Variants in PCDHGA3 observed in about 807,000 individuals in gnomAD.
PCDHGA3 encodes protocadherin gamma subfamily A, 3.
PCDHGA3 carries 40 observed loss-of-function variants against 58.5 expected under a neutral mutation model. The observed-to-expected ratio is 0.68, with a 90% CI of 0.53 to 0.89. The LOEUF (loss-of-function observed/expected upper bound fraction) is 0.89. Ranked by LOEUF, PCDHGA3 falls within the 40% of genes least tolerant of loss-of-function variation. PCDHGA3 has a pLI of 0.00. For synonymous variants in PCDHGA3, 530 were observed against 525.7 expected, an observed-to-expected ratio of 1.01 and a Z score of -0.11; for missense variants, 1,223 against 1,195.9, an observed-to-expected ratio of 1.02 and a Z score of -0.33.
intron 1 of PCDHGA3, among the ~76,000 whole-genome samples, chr5:141,467,441 T>C (rs919148544): frequency 6.6e-6 from 1 of 152,340 alleles, no homozygotes; most frequent in African/African-American, 2.4e-5. Context: ...CATTCATTAC[T>C]TTTTTCTTCC....
At chr5:141,361,203 A>G (rs1192913836) in intron 1 of PCDHGA3, 4 of 1,613,850 alleles carry the variant, frequency 2.5e-6, no homozygotes, top group Non-Finnish European at 3.4e-6. Flanking sequence ...CTACTCCCCT[A>G]CCGGAGGATT....
rs768648952 is a variant in PCDHGA3 at position 141,477,230 on chromosome 5, G to C, written c.2425-17577G>C. 6.2e-7 allele frequency: 1 copy of C among 1,614,046 alleles called. No homozygotes were observed. Among genetic ancestry groups the C allele is most frequent in the East Asian group, 2.2e-5 (1 of 44,890 alleles). ...GGATGCCCCTCTGGGGACTGTCATC[G>C]CTTTGCTCAGTGTGACTGACCTGGA... On this transcript the variant is annotated intron_variant, in intron 1 of 3. Transcript: ENST00000253812. The surrounding 1 kb of genome is among the most constrained non-coding windows in gnomAD (Gnocchi z 4.9).
At chr5:141,478,891 A>G (rs1045274228) in intron 1 of PCDHGA3, 10 of 1,122,064 alleles carry the variant, frequency 8.9e-6, no homozygotes, top group Admixed American at 3.1e-5. Context: ...TATCATTTAC[A>G]TTAGGAATAA....
intron 1 of PCDHGA3, chr5:141,404,403 A>C (rs767148207): frequency 6.2e-7 from 1 of 1,613,896 alleles, no homozygotes; most frequent in Admixed American, 1.7e-5. Context: ...AGCAATGAGA[A>C]TTCTAGAGTT....
intron 1 of PCDHGA3, chr5:141,430,905 C>T: frequency 6.2e-7 from 1 of 1,606,922 alleles, no homozygotes; most frequent in Non-Finnish European, 8.5e-7. Context: ...GGCGACATCT[C>T]CAGGGACCTG....
chr5:141,433,406 T>TC (rs397794347), intron 1 of PCDHGA3, among the ~76,000 whole-genome samples: 446 of 150,100 alleles, frequency 3.0e-3, no homozygotes, highest in African/African-American at 0.01. Context: ...TATCTATCTA[T>TC]TACTTTCTTG....
chr5:141,487,452 T>A lies in PCDHGA3; in HGVS notation c.2425-7355T>A, dbSNP rs778695562. 40 of 1,614,046 alleles carry A rather than the reference T, an allele frequency of 2.5e-5. No homozygotes were observed. The highest frequency in any genetic ancestry group is 3.4e-5 in the Non-Finnish European group (40 of 1,180,004). On this transcript the variant is annotated intron_variant, in intron 1 of 3. Coordinates refer to ENST00000253812, the MANE Select transcript of PCDHGA3 (RefSeq NM_018916.4). This position sits in a 1 kb window ranked among gnomAD's most constrained non-coding sequence, Gnocchi z 5.0. ...ATCCAGCTAGGGTCAGATGACCCTA[T>A]CAAGTTTGTTGATGTGGGAGGCCAC... is the stretch of plus-strand genomic sequence containing the variant.
rs1594492695 is a variant in PCDHGA3 at position 141,485,536 on chromosome 5, A to G, written c.2425-9271A>G. On this transcript the variant is annotated intron_variant, in intron 1 of 3. Transcript: ENST00000253812. The surrounding 1 kb of genome is among the most constrained non-coding windows in gnomAD (Gnocchi z 5.7). ...CTTTGGAAATGTACCGAGCAGAGGTAGAGATCGTAGATGTGAATGATCACG... is the reference window on the plus strand; with the variant it reads ...CTTTGGAAATGTACCGAGCAGAGGTGGAGATCGTAGATGTGAATGATCACG... 3 of 1,613,976 alleles carry G rather than the reference A, an allele frequency of 1.9e-6. No homozygotes were observed. The highest frequency in any genetic ancestry group is 2.5e-6 in the Non-Finnish European group (3 of 1,179,946).
At chr5:141,420,108 A>G (rs780657975) in intron 1 of PCDHGA3, 1 of 1,614,030 alleles carries the variant, frequency 6.2e-7, no homozygotes, top group Non-Finnish European at 8.5e-7. Flanking sequence ...ACGTTGCCCT[A>G]TGCCTATAAT....
At chr5:141,380,405 G>A (rs1258156706) in intron 1 of PCDHGA3, among the ~76,000 whole-genome samples, 2 of 152,114 alleles carry the variant, frequency 1.3e-5, no homozygotes, top group African/African-American at 4.8e-5. Flanking sequence ...TAATCAATTC[G>A]ATGCCCAGGA....
At chr5:141,436,910 TGTGA>T (rs1332506247) in intron 1 of PCDHGA3, among the ~76,000 whole-genome samples, 1 of 152,228 alleles carries the variant, frequency 6.6e-6, no homozygotes, top group Non-Finnish European at 1.5e-5. Flanking sequence ...GAGACAATTT[TGTGA>T]GTGTTACTTT....
chr5:141,366,032 C>T (rs754474451), intron 1 of PCDHGA3: 3 of 1,614,266 alleles, frequency 1.9e-6, no homozygotes, highest in South Asian at 2.2e-5. Context: ...CCCCGCCCTC[C>T]CCACAGACGG....
At chr5:141,347,172 T>TTTCC (rs1757920593) in intron 1 of PCDHGA3, among the ~76,000 whole-genome samples, 1 of 149,064 alleles carries the variant, frequency 6.7e-6, no homozygotes, top group Non-Finnish European at 1.5e-5. Context: ...TCTTTCTTTC[T>TTTCC]TTCTTTCTTG....
At chr5:141,396,661 A>T (rs2093417070) in intron 1 of PCDHGA3, 1 of 152,162 alleles carries the variant, frequency 6.6e-6, no homozygotes, top group Admixed American at 6.5e-5. Flanking sequence ...AACTCGGTAT[A>T]GGCTATCCAT....
At chr5:141,470,242 T>C (rs1301513342) in intron 1 of PCDHGA3, among the ~76,000 whole-genome samples, 1 of 152,344 alleles carries the variant, frequency 6.6e-6, no homozygotes, top group South Asian at 2.1e-4. Flanking sequence ...CCCTTGAATG[T>C]CCCACCTGTC....
intron 1 of PCDHGA3, chr5:141,350,607 T>A (rs1758516566): frequency 1.9e-6 from 3 of 1,614,050 alleles, no homozygotes; most frequent in Non-Finnish European, 2.5e-6. Flanking sequence ...GTTTTCCACG[T>A]GGTTGTTGTA....
At chr5:141,478,567 C>A in intron 1 of PCDHGA3, 1 of 1,593,812 alleles carries the variant, frequency 6.3e-7, no homozygotes, top group Non-Finnish European at 8.6e-7. Flanking sequence ...GCAAGTCATG[C>A]TTGACCCTGT....
chr5:141,439,667 C>T (rs149776177), intron 1 of PCDHGA3, among the ~76,000 whole-genome samples: 2,012 of 152,292 alleles, frequency 0.013, 16 homozygotes, highest in Middle Eastern at 0.034. Context: ...TCATGGAATG[C>T]AAATCCAAGA....
chr5:141,449,475 C>T (rs1351574160), intron 1 of PCDHGA3, among the ~76,000 whole-genome samples: 8 of 150,696 alleles, frequency 5.3e-5, no homozygotes, highest in African/African-American at 1.9e-4. Flanking sequence ...GGCCTGGTAC[C>T]CCATGCCTAA....
Sources: allele counts gnomAD v4.1 joint callset (sites outside exome capture counted in the v4.1 genomes callset), GRCh38; gene constraint gnomAD v4.1.1; non-coding constraint Gnocchi (gnomAD v3.1); transcripts MANE v1.5; gene names NCBI Gene and HGNC (gene_info 2026-07-23, HGNC 2026-07-21).